SDK1: variants seen among roughly 807,000 people sequenced by gnomAD.
SDK1 encodes the protein protein sidekick-1.
Under a neutral mutation model 245.5 loss-of-function variants are expected in SDK1, and 157 were observed. That is an observed-to-expected ratio of 0.64 (90% CI 0.56 to 0.73). The LOEUF (loss-of-function observed/expected upper bound fraction) is 0.73, where lower values mean the gene tolerates loss of function less well. Ranked by LOEUF, SDK1 falls within the 30% of genes least tolerant of loss-of-function variation. The probability of loss-of-function intolerance (pLI) is 0.00; values close to 1 mark genes in which losing one functional copy is unlikely to be tolerated. For synonymous variants in SDK1, 1,647 were observed against 1,278.5 expected (o/e 1.29, Z -6.15); for missense variants, 3,583 against 3,002.3 (o/e 1.19, Z -4.52).
At chr7:3,594,485 G>C (rs925693192) in intron 1 of SDK1, among the ~76,000 whole-genome samples, 2 of 152,132 alleles carry the variant, frequency 1.3e-5, no homozygotes, top group African/African-American at 4.8e-5. Context: ...TGGAATTACT[G>C]GGTCGTATGG....
chr7:3,414,903 A>G (rs1165570902), intron 1 of SDK1, among the ~76,000 whole-genome samples: 1 of 152,156 alleles, frequency 6.6e-6, no homozygotes, highest in Non-Finnish European at 1.5e-5. Flanking sequence ...AGCATGTGTC[A>G]GATCTCCATT....
intron 22 of SDK1, among the ~76,000 whole-genome samples, chr7:4,103,524 C>A (rs555241777): frequency 1.3e-5 from 2 of 152,210 alleles, no homozygotes; most frequent in Non-Finnish European, 2.9e-5. Context: ...ATAGAAATTT[C>A]AGTTTCTCCC....
chr7:3,970,068 G>A, intron 11 of SDK1, among the ~76,000 whole-genome samples: 1 of 152,276 alleles, frequency 6.6e-6, no homozygotes, highest in Non-Finnish European at 1.5e-5. Context: ...GTCCCCCATT[G>A]CCACTTTTTA....
At chr7:3,733,565 G>T (rs1273475076) in intron 4 of SDK1, among the ~76,000 whole-genome samples, 1 of 152,086 alleles carries the variant, frequency 6.6e-6, no homozygotes, top group Non-Finnish European at 1.5e-5. Flanking sequence ...CTCCCTCCTT[G>T]AATCCCATGT....
chr7:4,210,967 C>T (rs1289448554), intron 38 of SDK1, among the ~76,000 whole-genome samples: 4 of 152,168 alleles, frequency 2.6e-5, no homozygotes, highest in African/African-American at 9.7e-5. Context: ...AAGGGAGGAT[C>T]CGCCAATCTA....
chr7:3,385,985 T>C lies in SDK1; in HGVS notation c.298+84101T>C, dbSNP rs1055953231. On this transcript the variant is annotated intron_variant, in intron 1 of 44. Coordinates refer to ENST00000404826, the MANE Select transcript of SDK1 (RefSeq NM_152744.4). ...CTTTCCTCTGCATGGATTTTTTTTT[T>C]CCACATGAGGGAAGCTGTGGTAAAT... Among the ~76,000 whole-genome samples, 24 of 152,276 alleles carry C rather than the reference T, an allele frequency of 1.6e-4. 1 individual carries two copies. Among genetic ancestry groups the C allele is most frequent in the Middle Eastern group, 3.4e-3 (1 of 294 alleles).
chr7:3,649,630 T>C (rs1178149262), intron 4 of SDK1, among the ~76,000 whole-genome samples: 4 of 152,142 alleles, frequency 2.6e-5, no homozygotes, highest in Non-Finnish European at 5.9e-5. Context: ...GTTTTAAGGA[T>C]TTTATTTATA....
intron 5 of SDK1, among the ~76,000 whole-genome samples, chr7:3,865,938 A>G (rs1180190685): frequency 2.0e-5 from 3 of 152,160 alleles, no homozygotes; most frequent in African/African-American, 4.8e-5. Context: ...ACACACTTAA[A>G]GTGTGTATTT....
intron 4 of SDK1, among the ~76,000 whole-genome samples, chr7:3,768,899 C>T (rs1179483717): frequency 6.6e-6 from 1 of 152,180 alleles, no homozygotes; most frequent in Non-Finnish European, 1.5e-5. Context: ...GCCGTAGGAA[C>T]ACAGAACAAA....
chr7:3,641,803 C>T (rs562147597), intron 3 of SDK1, among the ~76,000 whole-genome samples, 155 bp from the exon 4 acceptor site: 6 of 152,336 alleles, frequency 3.9e-5, no homozygotes, highest in South Asian at 2.1e-4. Context: ...AGCAGATCCG[C>T]GTTGGTCAGC....
rs202200174 is a variant in SDK1, at chr7:3,559,656, AC to A, written c.299-59422del. 5.9e-3 allele frequency among the ~76,000 whole-genome samples: 890 copies of A among 151,940 alleles called. 12 individuals carry two copies. The highest frequency in any genetic ancestry group is 0.015 in the Admixed American group (225 of 15,238). On this transcript the variant is annotated intron_variant, in intron 1 of 44. Coordinates refer to ENST00000404826, the MANE Select transcript of SDK1 (RefSeq NM_152744.4). Reference sequence around the variant, plus strand: ...TTTAACAGTAGTGTTGACACAACTCACCTGTGTCCATTTGTGATTTCTAAAT... The same window carrying A: ...TTTAACAGTAGTGTTGACACAACTCACTGTGTCCATTTGTGATTTCTAAAT...
At chr7:3,675,564 TTTG>T (rs1783866507) in intron 4 of SDK1, among the ~76,000 whole-genome samples, 2 of 13,622 alleles carry the variant, frequency 1.5e-4, no homozygotes, top group African/African-American at 5.5e-3. Context: ...CTCCTTTTTG[TTTG>T]TTTGTTTGTT....
intron 5 of SDK1, among the ~76,000 whole-genome samples, chr7:3,876,951 T>G (rs73312073): frequency 0.012 from 1,810 of 152,356 alleles, 28 homozygotes; most frequent in African/African-American, 0.042. Context: ...TGTTCTTTTC[T>G]TAAAGCAAAG....
At chr7:3,972,744 T>TAG (rs1302751261) in intron 12 of SDK1, among the ~76,000 whole-genome samples, 1 of 152,212 alleles carries the variant, frequency 6.6e-6, no homozygotes, top group Non-Finnish European at 1.5e-5. Context: ...GAGACTCGGC[T>TAG]GTTCTCTCGC....
At chr7:3,846,927 C>T (rs1562486730) in intron 5 of SDK1, among the ~76,000 whole-genome samples, 1 of 152,178 alleles carries the variant, frequency 6.6e-6, no homozygotes, top group Non-Finnish European at 1.5e-5. Context: ...ACCTGTCCAT[C>T]TCCACCTGTA....
At chr7:3,718,795 A>G (rs188211224) in intron 4 of SDK1, among the ~76,000 whole-genome samples, 12 of 151,084 alleles carry the variant, frequency 7.9e-5, no homozygotes, top group Non-Finnish European at 1.0e-4. Context: ...ATAAGGTAGG[A>G]AAAAAAAAGG....
chr7:3,335,866 C>G (rs1780187067), intron 1 of SDK1, among the ~76,000 whole-genome samples: 1 of 150,518 alleles, frequency 6.6e-6, no homozygotes, highest in Non-Finnish European at 1.5e-5. Flanking sequence ...TCTCTACCCT[C>G]TTAGGACTCA....
At chr7:4,110,854 C>T (rs943305428) in intron 23 of SDK1, 82 bp downstream of exon 23, 3 of 899,454 alleles carry the variant, frequency 3.3e-6, no homozygotes. Flanking sequence ...TAGTAAAACC[C>T]AGTCGTACGT....
intron 5 of SDK1, among the ~76,000 whole-genome samples, chr7:3,864,529 T>C (rs1213674998): frequency 6.6e-6 from 1 of 151,586 alleles, no homozygotes; most frequent in Non-Finnish European, 1.5e-5. Flanking sequence ...ATTAGAGATG[T>C]GGCTAATATC....
Sources: allele counts gnomAD v4.1 joint callset (sites outside exome capture counted in the v4.1 genomes callset), GRCh38; gene constraint gnomAD v4.1.1; transcripts MANE v1.5; gene names NCBI Gene and HGNC (gene_info 2026-07-23, HGNC 2026-07-21).